The following TMEM255B variants were observed in gnomAD, a reference collection of about 807,000 sequenced individuals.
The protein encoded by TMEM255B is family with sequence similarity 70, member B.
In TMEM255B, 35 loss-of-function variants were observed where a neutral mutation model predicts 34.5. That is an observed-to-expected ratio of 1.01 (90% CI 0.77 to 1.34). The LOEUF is 1.34. Among genes scored for constraint, TMEM255B ranks in the 40% most tolerant of loss-of-function variants. The pLI is 0.00. For missense variants in TMEM255B, 432 were observed against 433.2 expected, an observed-to-expected ratio of 1.00 and a Z score of 0.02; for synonymous variants, 206 against 201.2, an observed-to-expected ratio of 1.02 and a Z score of -0.20.
chr13:113,764,610 A>T (rs1425686548), intron 1 of TMEM255B, among the ~76,000 whole-genome samples: 2 of 152,192 alleles, frequency 1.3e-5, no homozygotes, highest in Non-Finnish European at 2.9e-5. Flanking sequence ...GCCCTGCTTA[A>T]GTTTTCTCCA....
rs7327581 is a variant in TMEM255B, at chr13:113,810,702, G to A, written c.814-1034G>A. On this transcript the variant is annotated intron_variant, in intron 8 of 8. Coordinates refer to ENST00000375353, the MANE Select transcript of TMEM255B (RefSeq NM_182614.4). Reference sequence around the variant, plus strand: ...GGGGACCACAGCCTCTTTCCTTAACGCCTTCAGTGGAGAGGAGGGGCCGTC... The same window carrying A: ...GGGGACCACAGCCTCTTTCCTTAACACCTTCAGTGGAGAGGAGGGGCCGTC... Among the ~76,000 whole-genome samples, 338 of 152,272 alleles carry A rather than the reference G, an allele frequency of 2.2e-3. 1 individual carries two copies. The highest frequency in any genetic ancestry group is 7.8e-3 in the African/African-American group (322 of 41,536).
In TMEM255B at chr13:113,773,098, A is replaced by G. The variant is rs557490413; in HGVS notation, c.252+3938A>G. 2.6e-5 allele frequency among the ~76,000 whole-genome samples: 4 copies of G among 152,346 alleles called. No individual in the cohort carries two copies. The East Asian group carries it at 5.8e-4, about 22-fold the overall frequency. ...AACAATGTTTTGTAGTTCTTAGAGT[A>G]TAAGTTTTGTATCAAATTTACTTAT... On this transcript the variant is annotated intron_variant, in intron 3 of 8. Transcript: ENST00000375353.
chr13:113,782,675 A>AGG (rs891223193), intron 3 of TMEM255B, among the ~76,000 whole-genome samples: 4 of 129,226 alleles, frequency 3.1e-5, no homozygotes, highest in Non-Finnish European at 6.3e-5. Flanking sequence ...TGATGGTCGG[A>AGG]GGGGGGGGCT....
At position 113,804,885 on chromosome 13, in the gene TMEM255B, G is replaced by A. The variant is rs749192415; in HGVS notation, c.670G>A (p.Val224Met). ...AAVLGAFKDM[V>M]PLSQLAYGPA... ...ACCACCCGTCTCCTCTCCATGGCAG[G>A]TGCCTCTGTCCCAGCTGGCCTATGG... The change falls in exon 8 of 9, where the codon GTG becomes ATG. Residue 224 changes from valine to methionine, a missense_variant and splice_region_variant. Physicochemically the swap from Val to Met is conservative, Grantham distance 21. Coordinates refer to ENST00000375353, the MANE Select transcript of TMEM255B (RefSeq NM_182614.4). 5 of 1,597,906 alleles carry A rather than the reference G, an allele frequency of 3.1e-6. No homozygotes were observed. The highest frequency in any genetic ancestry group is 1.7e-5 in the Admixed American group (1 of 59,510).
chr13:113,810,729 G>A (rs1019060888), intron 8 of TMEM255B, among the ~76,000 whole-genome samples: 6 of 152,268 alleles, frequency 3.9e-5, no homozygotes, highest in Admixed American at 1.3e-4. Flanking sequence ...GGGGCCGTCC[G>A]TGTCCAGGGG....
intron 3 of TMEM255B, among the ~76,000 whole-genome samples, chr13:113,775,375 C>T (rs1047290076): frequency 2.6e-5 from 4 of 152,272 alleles, no homozygotes; most frequent in African/African-American, 9.6e-5. Context: ...GGAGCCCCAT[C>T]AGCCTTCCTG....
At chr13:113,797,116 C>T (rs961298933) in intron 4 of TMEM255B, among the ~76,000 whole-genome samples, 18 of 152,258 alleles carry the variant, frequency 1.2e-4, no homozygotes, top group African/African-American at 3.6e-4. Context: ...TGACCGCAGT[C>T]GGGGGTGTCC....
chr13:113,800,103 G>A, intron 5 of TMEM255B: 1 of 1,155,282 alleles, frequency 8.7e-7, no homozygotes, highest in Non-Finnish European at 1.1e-6. Context: ...TGTGGGGGGG[G>A]GTAGGCAGGA....
In TMEM255B at chr13:113,802,867, C is replaced by T. The variant is rs1404745833; in HGVS notation, c.669+1055C>T. On this transcript the variant is annotated intron_variant, in intron 7 of 8. Transcript: ENST00000375353. ...GCACACCAACACAAGACAGGCACCT[C>T]CCAGGGGTCCTTGCTCTGTGGTGAC... Among the ~76,000 whole-genome samples, 2 of 148,254 alleles carry T rather than the reference C, an allele frequency of 1.3e-5. 1 individual carries two copies. Among genetic ancestry groups the T allele is most frequent in the Non-Finnish European group, 3.0e-5 (2 of 66,058 alleles).
At chr13:113,777,415 C>T (rs367884032) in intron 3 of TMEM255B, among the ~76,000 whole-genome samples, 87 of 152,274 alleles carry the variant, frequency 5.7e-4, no homozygotes, top group African/African-American at 1.9e-3. Context: ...AGTGCCTGCC[C>T]GTTCCCAGTA....
chr13:113,776,868 C>A (rs1014584830), intron 3 of TMEM255B, among the ~76,000 whole-genome samples: 1 of 152,118 alleles, frequency 6.6e-6, no homozygotes, highest in African/African-American at 2.4e-5. Context: ...AGAGCTACAC[C>A]CCATGCTGAG....
intron 1 of TMEM255B, among the ~76,000 whole-genome samples, chr13:113,764,982 C>T (rs1327252427): frequency 6.6e-6 from 1 of 152,180 alleles, no homozygotes; most frequent in Non-Finnish European, 1.5e-5. Flanking sequence ...GCAGTGGGTC[C>T]AAGACGGGGG....
intron 3 of TMEM255B, among the ~76,000 whole-genome samples, chr13:113,780,610 C>G (rs1360231512): frequency 6.6e-6 from 1 of 152,214 alleles, no homozygotes; most frequent in African/African-American, 2.4e-5. Context: ...TAGTTAATTC[C>G]TGTCCTGCCT....
chr13:113,786,219 CCTACTGTCA>C (rs750766349), intron 3 of TMEM255B, among the ~76,000 whole-genome samples: 25 of 150,120 alleles, frequency 1.7e-4, no homozygotes, highest in Non-Finnish European at 2.5e-4. Context: ...CGTCACCATC[CCTACTGTCA>C]TCACTGTCAT....
chr13:113,778,261 C>T (rs1258166174), intron 3 of TMEM255B, among the ~76,000 whole-genome samples: 1 of 152,206 alleles, frequency 6.6e-6, no homozygotes, highest in African/African-American at 2.4e-5. Flanking sequence ...TCTTTAGCTT[C>T]AATATGTCAT....
At chr13:113,772,580 A>C (rs916749253) in intron 3 of TMEM255B, among the ~76,000 whole-genome samples, 1 of 152,118 alleles carries the variant, frequency 6.6e-6, no homozygotes, top group African/African-American at 2.4e-5. Flanking sequence ...CCTTGAGTTA[A>C]CTTTCTTCAT....
intron 3 of TMEM255B, among the ~76,000 whole-genome samples, chr13:113,774,769 A>G (rs1002179872): frequency 6.8e-6 from 1 of 146,170 alleles, no homozygotes; most frequent in Non-Finnish European, 1.5e-5. Flanking sequence ...CACACCACAC[A>G]CAACACACAA....
At chr13:113,772,589 A>G (rs2050495890) in intron 3 of TMEM255B, among the ~76,000 whole-genome samples, 1 of 152,260 alleles carries the variant, frequency 6.6e-6, no homozygotes, top group Non-Finnish European at 1.5e-5. Context: ...AACTTTCTTC[A>G]TGGTGTGAGG....
intron 3 of TMEM255B, among the ~76,000 whole-genome samples, chr13:113,780,772 AACAAG>A (rs1184856963): frequency 6.6e-6 from 1 of 152,266 alleles, no homozygotes; most frequent in Non-Finnish European, 1.5e-5. Context: ...ACAGGACCAA[AACAAG>A]ACAACAATTG....
Sources: gnomAD v4.1 joint callset for allele counts (sites outside exome capture counted in the v4.1 genomes callset) on GRCh38, gnomAD v4.1.1 for gene constraint, MANE v1.5 for transcripts, NCBI Gene and HGNC (gene_info 2026-07-23, HGNC 2026-07-21) for gene names.